ASPM: variants seen among roughly 807,000 people sequenced by gnomAD.
The protein encoded by ASPM is assembly factor for spindle microtubules, also known as abnormal spindle-like microcephaly-associated protein.
ASPM carries 256 observed loss-of-function variants against 366.4 expected under a neutral mutation model. The ratio of observed to expected loss-of-function variants is 0.70; its 90% CI spans 0.63 to 0.77. The LOEUF (loss-of-function observed/expected upper bound fraction) is 0.77, where lower values mean the gene tolerates loss of function less well. ASPM is among the 30% of genes least tolerant of loss of function. The probability of loss-of-function intolerance (pLI) is 0.00; values close to 1 mark genes in which losing one functional copy is unlikely to be tolerated. For synonymous variants in ASPM, 1,414 were observed against 1,342.9 expected (o/e 1.05, Z -1.16); for missense variants, 4,146 against 4,090.4 (o/e 1.01, Z -0.37).
At chr1:197,087,026 T>A (rs1199365443) in intron 26 of ASPM, 54 bp from the exon 27 acceptor site, 11 of 1,455,652 alleles carry the variant, frequency 7.6e-6, no homozygotes, top group Non-Finnish European at 8.4e-6. Context: ...AAATTTTATC[T>A]CTTTTAGACT....
rs1256949707 is a variant in ASPM at position 197,102,358 on chromosome 1, G to C, written c.6893C>G (p.Ala2298Gly). 2 of 1,612,646 alleles carry C rather than the reference G, an allele frequency of 1.2e-6. No individual in the cohort carries two copies. The highest frequency in any genetic ancestry group is 1.7e-6 in the Non-Finnish European group (2 of 1,179,258). Residue 2298 changes from alanine (A) to glycine (G), a missense_variant, in exon 18 of 28, where the codon GCA (alanine) becomes GGA (glycine). Ala to Gly is a moderately conservative substitution (Grantham distance 60). Coordinates refer to ENST00000367409, the MANE Select transcript of ASPM (RefSeq NM_018136.5). The stretch of plus-strand genomic sequence containing the variant: ...TAAGTGATGCTTTGTACAAAGATGT[G>C]CCCGATATTTTCTCTGAATCAAAAT... The part of the protein sequence containing the change: ...TAILIQRKYR[A>G]HLCTKHHLQF...
At position 197,103,238 on chromosome 1, in the gene ASPM, TATA is replaced by T. The variant is rs766576049; in HGVS notation, c.6010_6012del (p.Tyr2004del). 7 of 1,612,690 alleles carry T rather than the reference TATA, an allele frequency of 4.3e-6. No individual in the cohort carries two copies. Among genetic ancestry groups the T allele is most frequent in the East Asian group, 2.2e-5 (1 of 44,840 alleles). On this transcript the variant is annotated inframe_deletion, in exon 18 of 28. Transcript: ENST00000367409. ...TGTTCTCTTCCAATACTGTAAGCCC[TATA>T]ATACTTTTGAATCAGAAGAGCAGCT...
chr1:197,091,941 G>C lies in ASPM; in HGVS notation c.9410C>G (p.Ala3137Gly). Reference protein sequence around the residue: ...AYKLYLAVKNANKQVNSVICI... With the variant: ...AYKLYLAVKNGNKQVNSVICI... ...GATGACTGAATTAACCTGCTTGTTAGCATTCTTCACAGCCAGGTAAAGTTT... is the reference window on the plus strand; with the variant it reads ...GATGACTGAATTAACCTGCTTGTTACCATTCTTCACAGCCAGGTAAAGTTT... The change falls in exon 22 of 28, where the codon GCT (alanine) becomes GGT (glycine). Residue 3137 changes from alanine (A) to glycine (G), a missense_variant. By Grantham distance (60) the Ala-to-Gly change is moderately conservative (BLOSUM62 0). This residue lies in a region of ASPM where 3,624 missense variants were observed against 3,591.7 expected (regional missense o/e 1.01). Coordinates refer to ENST00000367409, the MANE Select transcript of ASPM (RefSeq NM_018136.5). 3.1e-6 allele frequency: 5 copies of C among 1,610,960 alleles called. No individual in the cohort carries two copies. The highest frequency in any genetic ancestry group is 2.2e-5 in the East Asian group (1 of 44,716).
At chr1:197,145,898 CAT>C (rs1305712000) in intron 1 of ASPM, among the ~76,000 whole-genome samples, 7 of 151,062 alleles carry the variant, frequency 4.6e-5, no homozygotes, top group South Asian at 2.1e-4. Context: ...TACTCACACA[CAT>C]GTGTATGCGT....
intron 17 of ASPM, among the ~76,000 whole-genome samples, chr1:197,114,029 T>TAGTGTCTATTAA (rs60334053): frequency 6.6e-6 from 1 of 151,656 alleles, no homozygotes; most frequent in South Asian, 2.1e-4. Flanking sequence ...AACTCTTGGA[T>TAGTGTCTATTAA]AGTTGAAATA....
In ASPM at chr1:197,142,830, T is replaced by G. The variant is rs760285878; in HGVS notation, c.1422A>C (p.Ala474=). 1 of 1,613,546 alleles carries G rather than the reference T, an allele frequency of 6.2e-7. No homozygotes were observed. The highest frequency in any genetic ancestry group is 8.5e-7 in the Non-Finnish European group (1 of 1,179,530). ...GGCTATGACTAGAAATATCCTGAAC[T>G]GCAGAAAATTTAGGATTATTTTGTT... is the stretch of plus-strand genomic sequence containing the variant. ...FIKQNNPKFS[A]VQDISSHSHN... is the part of the protein sequence containing the mutation. Residue 474 remains alanine (A), a synonymous_variant, in exon 3 of 28, where the codon GCA becomes GCC. Transcript: ENST00000367409.
chr1:197,104,189 T>C lies in ASPM; in HGVS notation c.5062A>G (p.Thr1688Ala), dbSNP rs775384342. The C allele has an allele frequency of 3.7e-6, 6 of 1,612,636 alleles. No homozygotes were observed. The highest frequency in any genetic ancestry group is 4.5e-5 in the East Asian group (2 of 44,752). The change falls in exon 18 of 28, where the codon ACT becomes GCT. Residue 1688 changes from threonine (T) to alanine (A), a missense_variant. Thr to Ala is a moderately conservative substitution (Grantham distance 58). This residue lies in a region of ASPM where 3,624 missense variants were observed against 3,591.7 expected (regional missense o/e 1.01). Coordinates refer to ENST00000367409, the MANE Select transcript of ASPM (RefSeq NM_018136.5). ...LKNATIKLQS[T>A]VKMKQTRKQY... ...TTACGTGTTTGTTTCATCTTAACAG[T>C]TGACTGCAATTTTATTGTAGCATTT...
rs557442177 is a variant in ASPM at position 197,141,490 on chromosome 1, T to C, written c.1921+841A>G. On this transcript the variant is annotated intron_variant, in intron 3 of 27. Transcript: ENST00000367409. ...GGAACATGACTAAATTGCAACATAA[T>C]ACTTATTAGATTGTAAGGTTCTATG... 3.9e-5 allele frequency among the ~76,000 whole-genome samples: 6 copies of C among 152,328 alleles called. No individual in the cohort carries two copies. The East Asian group carries it at 7.7e-4, about 20-fold the overall frequency.
Position 197,102,797 on chromosome 1 carries a change from C to G in ASPM, c.6454G>C (p.Ala2152Pro). The G allele has an allele frequency of 6.2e-7, 1 of 1,612,336 alleles. No individual in the cohort carries two copies. Among genetic ancestry groups the G allele is most frequent in the Non-Finnish European group, 8.5e-7 (1 of 1,179,206 alleles). Reference protein sequence around the residue: ...AAIVIQVRCRAYYQGKMQREK... With the variant: ...AAIVIQVRCRPYYQGKMQREK... ...CGCTGCATTTTACCTTGATAATATGCTCTACATCTTACTTGAATAACAATA... is the reference window on the plus strand; with the variant it reads ...CGCTGCATTTTACCTTGATAATATGGTCTACATCTTACTTGAATAACAATA... Residue 2152 changes from alanine (A) to proline (P), a missense_variant, in exon 18 of 28, where the codon GCA (alanine) becomes CCA (proline). Ala to Pro is a conservative substitution (Grantham distance 27, BLOSUM62 -1). Coordinates refer to ENST00000367409, the MANE Select transcript of ASPM (RefSeq NM_018136.5).
chr1:197,125,351 T>C (rs1658059437), intron 10 of ASPM, among the ~76,000 whole-genome samples, 160 bp from the exon 11 acceptor site: 1 of 152,184 alleles, frequency 6.6e-6, no homozygotes. Flanking sequence ...TGCTCCATAG[T>C]CGGCAAGTAG....
intron 3 of ASPM, among the ~76,000 whole-genome samples, chr1:197,141,186 A>T (rs1658567435): frequency 1.3e-5 from 2 of 151,012 alleles, no homozygotes; most frequent in Admixed American, 1.3e-4. Context: ...TAAAGAGTTA[A>T]AAAAAAAATG....
chr1:197,122,058 C>T lies in ASPM; in HGVS notation c.3742-15G>A, dbSNP rs1657927063. ...GTAATAACCACCTAAAAAAAACCCA[C>T]AAAAGATAAAAACAGAATATCAACA... is the stretch of plus-strand genomic sequence containing the variant. On this transcript the variant is annotated splice_polypyrimidine_tract_variant and intron_variant, in intron 15 of 27. Transcript: ENST00000367409. 1.2e-6 allele frequency: 2 copies of T among 1,610,334 alleles called. No individual in the cohort carries two copies. Among genetic ancestry groups the T allele is most frequent in the African/African-American group, 1.3e-5 (1 of 74,756 alleles).
At chr1:197,095,354 T>C (rs1656937438) in intron 19 of ASPM, among the ~76,000 whole-genome samples, 1 of 151,724 alleles carries the variant, frequency 6.6e-6, no homozygotes, top group South Asian at 2.1e-4. Flanking sequence ...CAAAAATTCC[T>C]CTCACACTAG....
Position 197,122,495 on chromosome 1 carries a change from C to T in ASPM, c.3491G>A (p.Arg1164His), listed in dbSNP as rs745742278. 39 of 1,613,454 alleles carry T rather than the reference C, an allele frequency of 2.4e-5. No individual in the cohort carries two copies. Among genetic ancestry groups the T allele is most frequent in the Middle Eastern group, 1.6e-4 (1 of 6,084 alleles). Residue 1164 changes from arginine to histidine, a missense_variant, in exon 14 of 28, where the codon CGT becomes CAT. This residue lies in a region of ASPM where 3,624 missense variants were observed against 3,591.7 expected (regional missense o/e 1.01). Transcript: ENST00000367409. The stretch of plus-strand genomic sequence containing the variant: ...CGTACATTCCACAGTTTGAGTAGTA[C>T]GCTGACATATAGCGTCAAATGGCAC... The part of the protein sequence containing the change: ...CYVPFDAICQ[R>H]TTQTVECTQT...
intron 18 of ASPM, among the ~76,000 whole-genome samples, chr1:197,096,931 G>A (rs1359383139): frequency 6.6e-6 from 1 of 151,640 alleles, no homozygotes; most frequent in Non-Finnish European, 1.5e-5. Flanking sequence ...AAATTAAGAA[G>A]GACTTGTTAG....
intron 7 of ASPM, among the ~76,000 whole-genome samples, chr1:197,130,474 T>C (rs1658224967): frequency 6.6e-6 from 1 of 152,168 alleles, no homozygotes; most frequent in Non-Finnish European, 1.5e-5. Flanking sequence ...CTGCAAATCA[T>C]CCAAGATAAT....
chr1:197,104,351 A>G lies in ASPM; in HGVS notation c.4900T>C (p.Ser1634Pro). 2 of 1,613,104 alleles carry G rather than the reference A, an allele frequency of 1.2e-6. No individual in the cohort carries two copies. The highest frequency in any genetic ancestry group is 1.7e-6 in the Non-Finnish European group (2 of 1,179,438). Residue 1634 changes from serine to proline, a missense_variant, in exon 18 of 28, where the codon TCT becomes CCT. Physicochemically the swap from Ser to Pro is moderately conservative, Grantham distance 74 (BLOSUM62 -1). Around this residue, in one of 3 missense-constraint regions of ASPM, gnomAD observed 3,624 missense variants for 3,591.7 expected, o/e 1.01. Transcript: ENST00000367409. The stretch of plus-strand genomic sequence containing the variant: ...GCAGACTGCAGCACAATGACAGCAG[A>G]GCGTGTTTTCTGGTAAGATGCTAGA... ...KVLASYQKTR[S>P]AVIVLQSAYR...
chr1:197,146,118 A>G (rs758009149), intron 1 of ASPM, 23 bp downstream of exon 1: 1 of 1,613,862 alleles, frequency 6.2e-7, no homozygotes, highest in South Asian at 1.1e-5. Flanking sequence ...ACCGGCCTGG[A>G]GCACGCTCCT....
At chr1:197,095,156 G>T (rs113032429) in intron 19 of ASPM, among the ~76,000 whole-genome samples, 1 of 151,420 alleles carries the variant, frequency 6.6e-6, no homozygotes, top group South Asian at 2.1e-4. Flanking sequence ...GTTAACTATA[G>T]TTGCCCTATT....
Sources: allele counts gnomAD v4.1 joint callset (sites outside exome capture counted in the v4.1 genomes callset), GRCh38; gene constraint gnomAD v4.1.1; regional missense constraint gnomAD v4.1.1; transcripts MANE v1.5; gene names NCBI Gene and HGNC (gene_info 2026-07-23, HGNC 2026-07-21).